PRR5: variants seen among roughly 807,000 people sequenced by gnomAD.
PRR5 encodes the protein proline-rich protein 5.
A neutral mutation model predicts 30.6 loss-of-function variants in PRR5; 25 were observed. The observed-to-expected ratio is 0.82, with a 90% CI of 0.60 to 1.14. The LOEUF is 1.14. PRR5 is among the 50% of genes most tolerant of loss of function. The pLI is 0.00. For missense variants in PRR5, 600 were observed against 547.1 expected (o/e 1.10, Z -0.96); for synonymous variants, 286 against 247.1 (o/e 1.16, Z -1.48).
intron 1 of PRR5, among the ~76,000 whole-genome samples, chr22:44,685,554 G>GCCAGTGAAAGCCACACCCCTCTCC (rs1187899306): frequency 4.6e-5 from 6 of 130,820 alleles, no homozygotes; most frequent in Non-Finnish European, 8.0e-5. Context: ...CACCCCTCTC[G>GCCAGTGAAAGCCACACCCCTCTCC]CCAGTGAAAG....
At chr22:44,680,499 CA>C (rs1237779863) in intron 1 of PRR5, among the ~76,000 whole-genome samples, 1 of 152,168 alleles carries the variant, frequency 6.6e-6, no homozygotes, top group East Asian at 1.9e-4. Flanking sequence ...TGCCACAGCC[CA>C]GCGAGGAGGT....
intron 2 of PRR5, among the ~76,000 whole-genome samples, chr22:44,721,088 A>G (rs562829415): frequency 3.9e-5 from 6 of 152,334 alleles, no homozygotes; most frequent in African/African-American, 1.4e-4. Context: ...TCCTGATCCC[A>G]GTTGACCCCC....
chr22:44,669,059 C>T (rs1035891679), intron 1 of PRR5, among the ~76,000 whole-genome samples: 10 of 150,828 alleles, frequency 6.6e-5, no homozygotes, highest in African/African-American at 2.2e-4. Context: ...CTCTCCCACC[C>T]CAGCCTCCCG....
chr22:44,716,019 C>G (rs1163378097), intron 2 of PRR5, among the ~76,000 whole-genome samples: 4 of 152,316 alleles, frequency 2.6e-5, no homozygotes, highest in African/African-American at 9.6e-5. Flanking sequence ...GCACAGTCCC[C>G]AGCTTTGGAC....
intron 2 of PRR5, among the ~76,000 whole-genome samples, chr22:44,719,174 G>A (rs890692504): frequency 2.0e-5 from 3 of 151,742 alleles, no homozygotes; most frequent in African/African-American, 7.3e-5. Context: ...GCACCTTGTG[G>A]GCTCAAGTGA....
At chr22:44,710,589 A>G (rs962119909) in intron 1 of PRR5, among the ~76,000 whole-genome samples, 4 of 151,786 alleles carry the variant, frequency 2.6e-5, no homozygotes, top group African/African-American at 9.7e-5. Context: ...AGACCCTCCC[A>G]CCCTCCTCGC....
chr22:44,682,703 A>G (rs1924405397), intron 1 of PRR5, among the ~76,000 whole-genome samples: 1 of 152,188 alleles, frequency 6.6e-6, no homozygotes, highest in South Asian at 2.1e-4. Context: ...CGACACGGGA[A>G]TGTCGCAGAG....
Position 44,737,057 on chromosome 22 carries a change from C to T in PRR5, c.977C>T (p.Thr326Ile), listed in dbSNP as rs1461957159. ...GPCPSRLYPTTQPPEQGLDPT... is the reference protein window; with the variant it reads ...GPCPSRLYPTIQPPEQGLDPT... The stretch of plus-strand genomic sequence containing the variant: ...TGCCCCAGCAGACTGTACCCCACGA[C>T]CCAGCCCCCTGAGCAGGGCTTGGAT... The change falls in exon 8 of 8, where the codon ACC becomes ATC. Residue 326 changes from threonine to isoleucine, a missense_variant. Physicochemically the swap from Thr to Ile is moderately conservative, Grantham distance 89 (BLOSUM62 -1). Transcript: ENST00000336985. The T allele has an allele frequency of 1.9e-6, 3 of 1,609,082 alleles. No individual in the cohort carries two copies. The highest frequency in any genetic ancestry group is 2.5e-6 in the Non-Finnish European group (3 of 1,178,620).
At position 44,729,943 on chromosome 22, in the gene PRR5, A is replaced by G. The variant is rs1359744030; in HGVS notation, c.323-1787A>G. 9.1e-6 allele frequency: 9 copies of G among 985,342 alleles called. No homozygotes were observed. The African/African-American group carries it at 1.6e-4, about 17-fold the overall frequency. 61.0% of individuals were successfully genotyped at this position (985,342 alleles called of 1,614,324 possible). On this transcript the variant is annotated intron_variant, in intron 4 of 7. Coordinates refer to ENST00000336985, the MANE Select transcript of PRR5 (RefSeq NM_181333.4). ...CTGAAGGGACTTTGTGTGTGGGCAC[A>G]GTTCGGCGGGGCGGTGAGCATCCAT...
intron 1 of PRR5, among the ~76,000 whole-genome samples, chr22:44,688,699 T>C (rs1235210158): frequency 3.3e-5 from 5 of 152,096 alleles, no homozygotes; most frequent in Non-Finnish European, 7.4e-5. Context: ...TTACATCCTA[T>C]ATATGGCCAG....
chr22:44,680,005 G>GTCCA, intron 1 of PRR5: 9 of 876,784 alleles, frequency 1.0e-5, no homozygotes, highest in African/African-American at 1.7e-5. Flanking sequence ...GGGGAATGAG[G>GTCCA]GCTGGACCTC....
Position 44,732,099 on chromosome 22 carries a change from C to G in PRR5, c.415-152C>G, listed in dbSNP as rs1174463559. 4.4e-5 allele frequency: 57 copies of G among 1,281,490 alleles called. No individual in the cohort carries two copies. The East Asian group carries it at 1.3e-3, about 30-fold the overall frequency. 79.4% of individuals were successfully genotyped at this position (1,281,490 alleles called of 1,614,324 possible). On this transcript the variant is annotated intron_variant, in intron 5 of 7. Transcript: ENST00000336985. The stretch of plus-strand genomic sequence containing the variant: ...TGCCAGAGGAAACTGAAGGGGCCCT[C>G]TATCCTTGGGACGGGGTCATCTGAG...
upstream of PRR5, among the ~76,000 whole-genome samples, chr22:44,675,796 TTAC>T (rs549995621): frequency 2.4e-3 from 356 of 146,350 alleles, 1 homozygote; most frequent in South Asian, 0.019. Context: ...ATTATTATTA[TTAC>T]TTAGGTCACA....
intron 2 of PRR5, among the ~76,000 whole-genome samples, chr22:44,722,683 A>G (rs923201963): frequency 6.6e-6 from 1 of 152,192 alleles, no homozygotes; most frequent in Non-Finnish European, 1.5e-5. Flanking sequence ...GGGGGATGGT[A>G]TGTTTATTGC....
intron 1 of PRR5, among the ~76,000 whole-genome samples, chr22:44,709,325 A>C (rs1927774161): frequency 6.6e-6 from 1 of 152,152 alleles, no homozygotes; most frequent in South Asian, 2.1e-4. Context: ...TTGTAATCAC[A>C]AGGGTCTGTG....
chr22:44,702,696 G>A, intron 1 of PRR5, 88 bp downstream of exon 1: 1 of 1,226,568 alleles, frequency 8.2e-7, no homozygotes, highest in Non-Finnish European at 1.0e-6. Context: ...GCCGCCCCGA[G>A]CCAGGAACGC....
At chr22:44,694,873 C>T (rs943656860) in intron 1 of PRR5, among the ~76,000 whole-genome samples, 2 of 152,076 alleles carry the variant, frequency 1.3e-5, no homozygotes, top group Non-Finnish European at 2.9e-5. Flanking sequence ...AGCTATCAAC[C>T]TAAATGACAA....
intron 1 of PRR5, among the ~76,000 whole-genome samples, chr22:44,671,295 T>C (rs577312721): frequency 1.3e-5 from 2 of 152,322 alleles, no homozygotes; most frequent in Admixed American, 6.5e-5. Context: ...CATGAAGACA[T>C]GGTTTAGCTG....
At chr22:44,703,347 CACTGTTCGGGGGAGGCTGTG>C (rs1437072176) in intron 1 of PRR5, among the ~76,000 whole-genome samples, 3 of 141,808 alleles carry the variant, frequency 2.1e-5, no homozygotes, top group African/African-American at 7.4e-5. Flanking sequence ...AGGCTGTGGA[CACTGTTCGGGGGAGGCTGTG>C]GACGTTGCCC....
Sources: allele counts gnomAD v4.1 joint callset (sites outside exome capture counted in the v4.1 genomes callset), GRCh38; gene constraint gnomAD v4.1.1; transcripts MANE v1.5; gene names NCBI Gene and HGNC (gene_info 2026-07-23, HGNC 2026-07-21).